RASA2: variants seen among roughly 807,000 people sequenced by gnomAD.
RASA2 encodes the protein ras GTPase-activating protein 2.
RASA2 carries 155 observed loss-of-function variants against 118.2 expected under a neutral mutation model. That is an observed-to-expected ratio of 1.31 (90% CI 1.15 to 1.50). The LOEUF (loss-of-function observed/expected upper bound fraction) is 1.50. Ranked by LOEUF, RASA2 falls within the 40% of genes most tolerant of loss-of-function variation. The probability of loss-of-function intolerance (pLI) is 0.00; values close to 1 mark genes in which losing one functional copy is unlikely to be tolerated. For synonymous variants in RASA2, 353 were observed against 349.1 expected, an observed-to-expected ratio of 1.01 and a Z score of -0.12; for missense variants, 1,016 against 1,009.6, an observed-to-expected ratio of 1.01 and a Z score of -0.09.
At chr3:141,526,942 A>G (rs925413668) in intron 3 of RASA2, among the ~76,000 whole-genome samples, 10 of 152,168 alleles carry the variant, frequency 6.6e-5, no homozygotes, top group Admixed American at 6.5e-4. Context: ...CTAAGAGAGG[A>G]TTCTCTTTTG....
intron 19 of RASA2, chr3:141,590,069 T>G (rs1011835719): frequency 6.6e-6 from 3 of 453,026 alleles, no homozygotes; most frequent in Admixed American, 4.8e-5. Context: ...TGCTTTTTGT[T>G]TTAACTATTT....
At chr3:141,542,776 A>T (rs1033638451) in intron 5 of RASA2, among the ~76,000 whole-genome samples, 1 of 152,032 alleles carries the variant, frequency 6.6e-6, no homozygotes, top group African/African-American at 2.4e-5. Context: ...ATAGCTTTAT[A>T]GTCATAACCA....
At position 141,582,217 on chromosome 3, in the gene RASA2, A is replaced by T. The variant is rs562018263; in HGVS notation, c.1752+1040A>T. ...TTTTTTATACTTAGGATTCTTACAG[A>T]GACTTAGTAAGTGAAAAATGATGAT... On this transcript the variant is annotated intron_variant, in intron 17 of 23. Coordinates refer to ENST00000286364, the MANE Select transcript of RASA2 (RefSeq NM_006506.5). Among the ~76,000 whole-genome samples the T allele has an allele frequency of 3.9e-5, 6 of 152,322 alleles. No individual in the cohort carries two copies. The South Asian group carries it at 1.2e-3, about 32-fold the overall frequency.
chr3:141,547,868 AT>A (rs1333760930), intron 5 of RASA2, among the ~76,000 whole-genome samples: 3 of 152,018 alleles, frequency 2.0e-5, no homozygotes, highest in African/African-American at 7.2e-5. Flanking sequence ...TTCTGTACCT[AT>A]TTTTTGAGGG....
At chr3:141,508,124 A>G (rs1559995239) in intron 1 of RASA2, among the ~76,000 whole-genome samples, 1 of 152,090 alleles carries the variant, frequency 6.6e-6, no homozygotes, top group East Asian at 1.9e-4. Flanking sequence ...TAATGACTAC[A>G]TTAAAAAAAA....
Position 141,608,686 on chromosome 3 carries a change from G to C in RASA2, c.2214G>C (p.Lys738Asn). 6.2e-7 allele frequency: 1 copy of C among 1,612,930 alleles called. No homozygotes were observed. The highest frequency in any genetic ancestry group is 8.5e-7 in the Non-Finnish European group (1 of 1,179,032). The change falls in exon 21 of 24, where the codon AAG becomes AAC. Residue 738 changes from lysine (K) to asparagine (N), a missense_variant. Lys to Asn is a moderately conservative substitution (Grantham distance 94, BLOSUM62 0). Coordinates refer to ENST00000286364, the MANE Select transcript of RASA2 (RefSeq NM_006506.5). ...CTGGTGAAAACACTCTCGGCTGCAA[G>C]CCATGTACTGCGTAAGTTTCTTTCT... ...QETGENTLGC[K>N]PCTAGVPADI...
chr3:141,517,558 ACCT>A, intron 3 of RASA2, among the ~76,000 whole-genome samples: 1 of 152,128 alleles, frequency 6.6e-6, no homozygotes, highest in Admixed American at 6.5e-5. Context: ...TGATTCAGTC[ACCT>A]TATGCCAGGC....
intron 5 of RASA2, among the ~76,000 whole-genome samples, chr3:141,545,735 C>T (rs1410140470): frequency 6.6e-6 from 1 of 152,010 alleles, no homozygotes; most frequent in African/African-American, 2.4e-5. Flanking sequence ...CATGAGCCAC[C>T]AAGCCTGGCC....
Position 141,558,915 on chromosome 3 carries a change from G to A in RASA2, c.714G>A (p.Lys238=). ...EVTRSSSYTR[K]SQFQVEEEDI... ...CCAGATCCAGTAGTTACACCAGAAA[G>A]TCCCAGTTCCAGGTAGAAGAGGAGG... The change falls in exon 8 of 24, where the codon AAG becomes AAA. Residue 238 remains lysine (K), a synonymous_variant. Transcript: ENST00000286364. 6.2e-7 allele frequency: 1 copy of A among 1,607,736 alleles called. No individual in the cohort carries two copies. The highest frequency in any genetic ancestry group is 8.5e-7 in the Non-Finnish European group (1 of 1,174,976).
intron 17 of RASA2, among the ~76,000 whole-genome samples, chr3:141,583,781 A>G (rs999069395): frequency 2.0e-5 from 3 of 152,242 alleles, no homozygotes; most frequent in Non-Finnish European, 2.9e-5. Context: ...ACTTTAGAAT[A>G]GGCACTGGAG....
chr3:141,609,584 G>A, intron 22 of RASA2, 61 bp downstream of exon 22: 2 of 1,257,294 alleles, frequency 1.6e-6, no homozygotes, highest in Non-Finnish European at 2.2e-6. Flanking sequence ...CTAAAGTATT[G>A]CTTTAGCATT....
intron 3 of RASA2, among the ~76,000 whole-genome samples, chr3:141,517,075 G>A (rs571840425): frequency 4.6e-5 from 7 of 152,252 alleles, no homozygotes; most frequent in African/African-American, 1.7e-4. Context: ...TGGCCGGGCA[G>A]GGACTCTTTC....
At chr3:141,513,338 ATACTT>A (rs751527511) in intron 2 of RASA2, among the ~76,000 whole-genome samples, 3 of 152,100 alleles carry the variant, frequency 2.0e-5, no homozygotes, top group Admixed American at 6.5e-5. Flanking sequence ...AAAACTGAAA[ATACTT>A]TAGTAGCCCA....
At chr3:141,597,965 A>T (rs1007309476) in intron 19 of RASA2, among the ~76,000 whole-genome samples, 1 of 152,236 alleles carries the variant, frequency 6.6e-6, no homozygotes, top group African/African-American at 2.4e-5. Flanking sequence ...AATTCAGATG[A>T]ATGGACAAAT....
At chr3:141,564,986 CT>C (rs941996326) in intron 9 of RASA2, among the ~76,000 whole-genome samples, 18 of 151,548 alleles carry the variant, frequency 1.2e-4, no homozygotes, top group African/African-American at 3.9e-4. Flanking sequence ...GCACCTTATT[CT>C]TTTTTTTTAT....
chr3:141,504,437 G>A (rs975487066), intron 1 of RASA2, among the ~76,000 whole-genome samples: 1 of 152,100 alleles, frequency 6.6e-6, no homozygotes, highest in Non-Finnish European at 1.5e-5. Context: ...TCTAGAAATA[G>A]CATCTCTATT....
chr3:141,604,930 T>A (rs1560065209), intron 19 of RASA2, among the ~76,000 whole-genome samples: 1 of 151,750 alleles, frequency 6.6e-6, no homozygotes, highest in Non-Finnish European at 1.5e-5. Context: ...ATTAAATAAA[T>A]AAATAAATAA....
chr3:141,571,037 A>C lies in RASA2; in HGVS notation c.989A>C (p.Lys330Thr). 1 of 1,603,888 alleles carries C rather than the reference A, an allele frequency of 6.2e-7. No homozygotes were observed. Among genetic ancestry groups the C allele is most frequent in the Non-Finnish European group, 8.5e-7 (1 of 1,177,426 alleles). ...CCTTCAGAGTACTATGGTCCTTTGA[A>C]AACTTTGCTGCTAAAATCACCAGAT... Reference protein sequence around the residue: ...VLPSEYYGPLKTLLLKSPDVQ... With the variant: ...VLPSEYYGPLTTLLLKSPDVQ... Residue 330 changes from lysine (K) to threonine (T), a missense_variant, in exon 10 of 24, where the codon AAA becomes ACA. Coordinates refer to ENST00000286364, the MANE Select transcript of RASA2 (RefSeq NM_006506.5).
At chr3:141,552,213 T>C (rs1251334276) in intron 5 of RASA2, among the ~76,000 whole-genome samples, 2 of 151,936 alleles carry the variant, frequency 1.3e-5, no homozygotes, top group Admixed American at 1.3e-4. Context: ...TTTCCTCTGC[T>C]TTTTTTTATA....
Sources: gnomAD v4.1 joint callset for allele counts (sites outside exome capture counted in the v4.1 genomes callset) on GRCh38, gnomAD v4.1.1 for gene constraint, MANE v1.5 for transcripts, NCBI Gene and HGNC (gene_info 2026-07-23, HGNC 2026-07-21) for gene names.